Variants in PACRG observed in about 807,000 individuals in gnomAD.
The protein encoded by PACRG is parkin coregulated gene protein.
In PACRG, 29 loss-of-function variants were observed where a neutral mutation model predicts 29.7. The ratio of observed to expected loss-of-function variants is 0.98; its 90% CI spans 0.73 to 1.33. The LOEUF (loss-of-function observed/expected upper bound fraction) is 1.33, where lower values mean the gene tolerates loss of function less well. PACRG is among the 40% of genes most tolerant of loss of function. The pLI, the probability that PACRG is intolerant of heterozygous loss-of-function variation, is 0.00. For synonymous variants in PACRG, 116 were observed against 118.7 expected, an observed-to-expected ratio of 0.98 and a Z score of 0.15; for missense variants, 279 against 316.2, an observed-to-expected ratio of 0.88 and a Z score of 0.89.
At chr6:162,979,270 T>G (rs947393736) in intron 2 of PACRG, among the ~76,000 whole-genome samples, 2 of 152,178 alleles carry the variant, frequency 1.3e-5, no homozygotes, top group African/African-American at 4.8e-5. Context: ...TGCATTTCCC[T>G]GATTATTAGA....
chr6:163,285,888 TCACTGTTC>T (rs1425487715), intron 4 of PACRG, among the ~76,000 whole-genome samples: 8 of 152,048 alleles, frequency 5.3e-5, no homozygotes, highest in Admixed American at 3.3e-4. Flanking sequence ...GAAAGGAGCC[TCACTGTTC>T]AGCTAGGCTG....
At chr6:163,296,995 CT>C (rs2128188813) in intron 4 of PACRG, among the ~76,000 whole-genome samples, 1 of 152,234 alleles carries the variant, frequency 6.6e-6, no homozygotes, top group Non-Finnish European at 1.5e-5. Context: ...ATTATTTTAC[CT>C]TAACTTGAAT....
At chr6:163,153,806 C>T (rs1778201226) in intron 4 of PACRG, among the ~76,000 whole-genome samples, 1 of 152,198 alleles carries the variant, frequency 6.6e-6, no homozygotes, top group Admixed American at 6.5e-5. Flanking sequence ...GAACAGCCAA[C>T]TATTTTGTGA....
At chr6:162,974,711 ATTG>A (rs1014962993) in intron 2 of PACRG, among the ~76,000 whole-genome samples, 3 of 152,214 alleles carry the variant, frequency 2.0e-5, no homozygotes, top group Admixed American at 6.5e-5. Context: ...TGCTTAGTGT[ATTG>A]TTAAGAGCTT....
intron 1 of PACRG, among the ~76,000 whole-genome samples, chr6:162,775,917 C>T (rs192826101): frequency 6.6e-6 from 1 of 152,234 alleles, no homozygotes; most frequent in Non-Finnish European, 1.5e-5. Flanking sequence ...ATAAGTTTGT[C>T]TTATGATAAC....
intron 2 of PACRG, among the ~76,000 whole-genome samples, chr6:162,920,484 G>C (rs1796991917): frequency 6.6e-6 from 1 of 152,206 alleles, no homozygotes; most frequent in Admixed American, 6.5e-5. Context: ...TGATGGCAGA[G>C]ATTTCCATGG....
intron 4 of PACRG, among the ~76,000 whole-genome samples, chr6:163,207,269 G>A (rs980954072): frequency 6.6e-6 from 1 of 152,146 alleles, no homozygotes; most frequent in African/African-American, 2.4e-5. Context: ...TTTAGAGTAT[G>A]GGTAGTCTGT....
chr6:163,114,550 A>G (rs2128321243), intron 4 of PACRG, among the ~76,000 whole-genome samples: 1 of 152,320 alleles, frequency 6.6e-6, no homozygotes, highest in South Asian at 2.1e-4. Flanking sequence ...TCCTATTTGG[A>G]GTGTCATGAA....
At chr6:163,187,196 G>A (rs921649769) in intron 4 of PACRG, among the ~76,000 whole-genome samples, 22 of 152,112 alleles carry the variant, frequency 1.4e-4, no homozygotes, top group African/African-American at 5.3e-4. Context: ...GGCCTAAATT[G>A]AACTCATTAT....
chr6:163,199,313 T>C (rs548050804), intron 4 of PACRG, among the ~76,000 whole-genome samples: 1 of 152,316 alleles, frequency 6.6e-6, no homozygotes, highest in African/African-American at 2.4e-5. Context: ...AGCTAATTCA[T>C]AAGAAACTAG....
At chr6:163,285,945 G>T (rs1288120726) in intron 4 of PACRG, among the ~76,000 whole-genome samples, 1 of 152,168 alleles carries the variant, frequency 6.6e-6, no homozygotes, top group Non-Finnish European at 1.5e-5. Flanking sequence ...TCATGACAGA[G>T]GCTCCTTGTC....
intron 2 of PACRG, among the ~76,000 whole-genome samples, chr6:162,873,010 AC>A (rs1792959169): frequency 6.6e-6 from 1 of 152,192 alleles, no homozygotes; most frequent in Non-Finnish European, 1.5e-5. Context: ...AGTTACAAAA[AC>A]CAGTTTAATG....
At chr6:162,886,138 T>C (rs1322248965) in intron 2 of PACRG, among the ~76,000 whole-genome samples, 2 of 152,200 alleles carry the variant, frequency 1.3e-5, no homozygotes, top group Non-Finnish European at 2.9e-5. Flanking sequence ...TTGTGCAGGC[T>C]GATCTTGAAC....
At chr6:163,131,679 C>T (rs1347369714) in intron 4 of PACRG, among the ~76,000 whole-genome samples, 2 of 152,098 alleles carry the variant, frequency 1.3e-5, no homozygotes, top group Non-Finnish European at 2.9e-5. Flanking sequence ...TGTTAAGAGC[C>T]CTCAGCTGTG....
chr6:163,299,774 G>C (rs1350712058), intron 4 of PACRG, among the ~76,000 whole-genome samples: 1 of 152,162 alleles, frequency 6.6e-6, no homozygotes, highest in Non-Finnish European at 1.5e-5. Context: ...AGCTACTCAG[G>C]AGGCTGAGCC....
chr6:163,024,646 G>A lies in PACRG; in HGVS notation c.292-37504G>A, dbSNP rs544856910. On this transcript the variant is annotated intron_variant, in intron 2 of 4. Transcript: ENST00000366888. Reference sequence around the variant, plus strand: ...AGTTTAATAGGAATATCATTGAACTGTAAATTGATTTGGACAGTATGACCA... The same window carrying A: ...AGTTTAATAGGAATATCATTGAACTATAAATTGATTTGGACAGTATGACCA... Among the ~76,000 whole-genome samples the A allele has an allele frequency of 5.3e-5, 8 of 152,252 alleles. 1 individual carries two copies. Among genetic ancestry groups the A allele is most frequent in the Middle Eastern group, 6.8e-3 (2 of 294 alleles).
chr6:162,938,325 T>C (rs1798383431), intron 2 of PACRG, among the ~76,000 whole-genome samples: 1 of 152,354 alleles, frequency 6.6e-6, no homozygotes, highest in African/African-American at 2.4e-5. Flanking sequence ...GTTGGTTCCA[T>C]GTTTTTGCAA....
At chr6:163,253,021 G>T (rs1782968340) in intron 4 of PACRG, among the ~76,000 whole-genome samples, 1 of 152,148 alleles carries the variant, frequency 6.6e-6, no homozygotes, top group Non-Finnish European at 1.5e-5. Flanking sequence ...ATCTGGCCAG[G>T]CATGGTGGCT....
chr6:163,163,163 G>T (rs547561851), intron 4 of PACRG, among the ~76,000 whole-genome samples: 4 of 152,194 alleles, frequency 2.6e-5, no homozygotes, highest in African/African-American at 7.2e-5. Context: ...ACACCACCGG[G>T]GATGTGGCTG....
Sources: gnomAD v4.1 joint callset for allele counts (sites outside exome capture counted in the v4.1 genomes callset) on GRCh38, gnomAD v4.1.1 for gene constraint, MANE v1.5 for transcripts, NCBI Gene and HGNC (gene_info 2026-07-23, HGNC 2026-07-21) for gene names.